ESRRB: variants seen among roughly 807,000 people sequenced by gnomAD.
ESRRB encodes the protein estrogen related receptor beta, also known as steroid hormone receptor ERR2.
In ESRRB, 16 loss-of-function variants were observed where a neutral mutation model predicts 46.0. The ratio of observed to expected loss-of-function variants is 0.35; its 90% CI spans 0.24 to 0.53. The LOEUF (loss-of-function observed/expected upper bound fraction) is 0.53, where lower values mean the gene tolerates loss of function less well. ESRRB is among the 20% of genes least tolerant of loss of function. The pLI is 0.93. For missense variants in ESRRB, 488 were observed against 607.4 expected (o/e 0.80, Z 2.07); for synonymous variants, 246 against 259.6 (o/e 0.95, Z 0.50).
At chr14:76,464,571 CT>C (rs1398047264) in intron 3 of ESRRB, among the ~76,000 whole-genome samples, 1 of 152,160 alleles carries the variant, frequency 6.6e-6, no homozygotes, top group Non-Finnish European at 1.5e-5. Context: ...CATTTAACCC[CT>C]TTGTGATGGA....
At chr14:76,314,405 G>T (rs183013131) in intron 1 of ESRRB, among the ~76,000 whole-genome samples, 1 of 152,288 alleles carries the variant, frequency 6.6e-6, no homozygotes, top group East Asian at 1.9e-4. Flanking sequence ...TCCTGCTCCA[G>T]TTCGGAGGTG....
chr14:76,403,186 C>A (rs768893544), intron 1 of ESRRB, among the ~76,000 whole-genome samples: 4 of 152,192 alleles, frequency 2.6e-5, no homozygotes, highest in Non-Finnish European at 4.4e-5. Flanking sequence ...TCTTTTCAAC[C>A]ACTTTTTGCA....
At chr14:76,460,125 G>A (rs1030388784) in intron 2 of ESRRB, among the ~76,000 whole-genome samples, 8 of 152,232 alleles carry the variant, frequency 5.3e-5, no homozygotes, top group African/African-American at 1.9e-4. Context: ...CTTGTTTCCA[G>A]AAAATCCAAT....
At chr14:76,396,129 C>T (rs754405696) in intron 1 of ESRRB, among the ~76,000 whole-genome samples, 4 of 152,054 alleles carry the variant, frequency 2.6e-5, no homozygotes, top group Admixed American at 1.3e-4. Context: ...ACCGAGATCA[C>T]GCCACTGCAC....
At chr14:76,346,901 AT>A (rs1387108055) in intron 1 of ESRRB, among the ~76,000 whole-genome samples, 1 of 152,186 alleles carries the variant, frequency 6.6e-6, no homozygotes, top group Non-Finnish European at 1.5e-5. Flanking sequence ...GAGCTCATGA[AT>A]CAAGCCCCAC....
chr14:76,446,023 G>A (rs931747678), intron 2 of ESRRB, among the ~76,000 whole-genome samples: 1 of 152,196 alleles, frequency 6.6e-6, no homozygotes, highest in African/African-American at 2.4e-5. Context: ...GTGCTTGGCT[G>A]GTAGTACAAT....
intron 2 of ESRRB, among the ~76,000 whole-genome samples, chr14:76,442,902 C>A (rs1887981321): frequency 6.6e-6 from 1 of 150,716 alleles, no homozygotes; most frequent in African/African-American, 2.4e-5. Context: ...GCAACCTCCA[C>A]CTCCTGGGTT....
intron 1 of ESRRB, among the ~76,000 whole-genome samples, chr14:76,408,155 C>T (rs1266819740): frequency 6.6e-6 from 1 of 152,230 alleles, no homozygotes; most frequent in Non-Finnish European, 1.5e-5. Context: ...GGTTCACGGT[C>T]ACCTCAGGCT....
At position 76,470,947 on chromosome 14, in the gene ESRRB, C is replaced by T. The variant is rs574057785; in HGVS notation, c.577+8286C>T. 2.6e-5 allele frequency among the ~76,000 whole-genome samples: 4 copies of T among 152,324 alleles called. No individual in the cohort carries two copies. The South Asian group carries it at 6.2e-4, about 24-fold the overall frequency. Reference sequence around the variant, plus strand: ...GCATAAAGCAACCCTCCTGCTTCAGCCTCCCAAATTCTTCCCTAGATATTT... The same window carrying T: ...GCATAAAGCAACCCTCCTGCTTCAGTCTCCCAAATTCTTCCCTAGATATTT... On this transcript the variant is annotated intron_variant, in intron 3 of 6. Coordinates refer to ENST00000644823, the MANE Select transcript of ESRRB (RefSeq NM_001379180.1).
intron 1 of ESRRB, among the ~76,000 whole-genome samples, chr14:76,383,620 C>A (rs1255745921): frequency 1.3e-5 from 2 of 152,024 alleles, no homozygotes; most frequent in Admixed American, 1.3e-4. Flanking sequence ...TGCCCTTGTC[C>A]TTTTGTCCCT....
chr14:76,391,813 T>C (rs1452092382), intron 1 of ESRRB, among the ~76,000 whole-genome samples: 1 of 152,118 alleles, frequency 6.6e-6, no homozygotes, highest in Non-Finnish European at 1.5e-5. Flanking sequence ...GAGTGCCTGG[T>C]TGAGGAGGTG....
intron 1 of ESRRB, among the ~76,000 whole-genome samples, chr14:76,317,640 G>A (rs1020426379): frequency 6.6e-6 from 1 of 152,288 alleles, no homozygotes; most frequent in Non-Finnish European, 1.5e-5. Flanking sequence ...GTTGGAGACC[G>A]CTTCCGCCCG....
At chr14:76,458,425 G>GAT (rs1888703573) in intron 2 of ESRRB, among the ~76,000 whole-genome samples, 1 of 134,858 alleles carries the variant, frequency 7.4e-6, no homozygotes, top group South Asian at 2.5e-4. Flanking sequence ...CTCTCTCTCT[G>GAT]ACACACACAC....
intron 1 of ESRRB, among the ~76,000 whole-genome samples, chr14:76,387,355 A>G (rs1378231176): frequency 6.6e-6 from 1 of 152,216 alleles, no homozygotes; most frequent in African/African-American, 2.4e-5. Flanking sequence ...AGCCCCCTAC[A>G]GGCACTCACT....
chr14:76,390,206 T>C (rs1019898355), intron 1 of ESRRB, among the ~76,000 whole-genome samples: 2 of 152,220 alleles, frequency 1.3e-5, no homozygotes, highest in Admixed American at 6.5e-5. Context: ...TTGATAAACA[T>C]GGCTGAGTGC....
intron 1 of ESRRB, among the ~76,000 whole-genome samples, chr14:76,357,891 A>T (rs1286219087): frequency 2.0e-5 from 3 of 152,344 alleles, no homozygotes; most frequent in African/African-American, 7.2e-5. Flanking sequence ...TAAAATACAA[A>T]ACTACATAAA....
chr14:76,343,372 T>C (rs1331384796), intron 1 of ESRRB, among the ~76,000 whole-genome samples: 2 of 152,260 alleles, frequency 1.3e-5, no homozygotes, highest in Non-Finnish European at 2.9e-5. Flanking sequence ...GAAGTCAGAC[T>C]GTTTGGATTC....
intron 1 of ESRRB, among the ~76,000 whole-genome samples, chr14:76,333,434 ATATATGATATATAAG>A (rs1214718504): frequency 8.0e-6 from 1 of 124,890 alleles, no homozygotes; most frequent in Non-Finnish European, 1.6e-5. Context: ...ATATATATTT[ATATATGATATATAAG>A]TATATCATAT....
chr14:76,475,066 CA>C (rs1188429861), intron 3 of ESRRB, among the ~76,000 whole-genome samples: 2 of 151,696 alleles, frequency 1.3e-5, no homozygotes, highest in South Asian at 2.1e-4. Flanking sequence ...CCCATCTTTG[CA>C]AAAAAATTTT....
Sources: gnomAD v4.1 joint callset for allele counts (sites outside exome capture counted in the v4.1 genomes callset) on GRCh38, gnomAD v4.1.1 for gene constraint, MANE v1.5 for transcripts, NCBI Gene and HGNC (gene_info 2026-07-23, HGNC 2026-07-21) for gene names.